The following MIDEAS variants were observed in gnomAD, a reference collection of about 807,000 sequenced individuals.
The protein encoded by MIDEAS is mitotic deacetylase associated SANT domain protein, also known as mitotic deacetylase-associated SANT domain protein.
A neutral mutation model predicts 102.7 loss-of-function variants in MIDEAS; 26 were observed. The observed-to-expected ratio is 0.25, with a 90% CI of 0.19 to 0.35. The LOEUF is 0.35. MIDEAS is among the 10% of genes least tolerant of loss of function. The probability of loss-of-function intolerance (pLI) is 1.00; values close to 1 mark genes in which losing one functional copy is unlikely to be tolerated. For missense variants in MIDEAS, 1,231 were observed against 1,435.6 expected, an observed-to-expected ratio of 0.86 and a Z score of 2.30; for synonymous variants, 585 against 591.0, an observed-to-expected ratio of 0.99 and a Z score of 0.15.
chr14:73,774,996 A>T (rs2053676756), intron 1 of MIDEAS, among the ~76,000 whole-genome samples: 1 of 152,034 alleles, frequency 6.6e-6, no homozygotes, highest in African/African-American at 2.4e-5. Flanking sequence ...CAATTGCAGA[A>T]ATGCCATGGT....
chr14:73,729,618 G>A (rs747115954), intron 4 of MIDEAS, 22 bp downstream of exon 4: 10 of 1,572,872 alleles, frequency 6.4e-6, no homozygotes, highest in Non-Finnish European at 7.8e-6. Context: ...TCCTGCCAGG[G>A]TCGCGGAGGG....
intron 1 of MIDEAS, among the ~76,000 whole-genome samples, chr14:73,769,909 T>TG (rs1566607806): frequency 7.3e-6 from 1 of 136,976 alleles, no homozygotes; most frequent in East Asian, 3.7e-4. Flanking sequence ...TGGGTTTTTT[T>TG]TTTTGTTTTT....
intron 3 of MIDEAS, among the ~76,000 whole-genome samples, chr14:73,730,335 C>T (rs1422945852): frequency 6.6e-6 from 1 of 152,228 alleles, no homozygotes; most frequent in Non-Finnish European, 1.5e-5. Context: ...CACAGTTCCC[C>T]ACCTCTGCTG....
chr14:73,727,564 T>C, intron 4 of MIDEAS, 40 bp from the exon 5 acceptor site: 2 of 1,559,138 alleles, frequency 1.3e-6, no homozygotes, highest in Admixed American at 3.6e-5. Flanking sequence ...GCACCCCCCT[T>C]TCAGCAAAGC....
At chr14:73,732,527 T>C (rs2053151035) in intron 3 of MIDEAS, among the ~76,000 whole-genome samples, 1 of 152,202 alleles carries the variant, frequency 6.6e-6, no homozygotes, top group Non-Finnish European at 1.5e-5. Context: ...GGCTCACGCC[T>C]GTAATCTCAG....
intron 1 of MIDEAS, among the ~76,000 whole-genome samples, chr14:73,776,317 T>C (rs1419758127): frequency 3.3e-5 from 5 of 151,980 alleles, no homozygotes; most frequent in Non-Finnish European, 7.4e-5. Flanking sequence ...TCAGATCTTC[T>C]GGGCACATAA....
At position 73,737,073 on chromosome 14, in the gene MIDEAS, A is replaced by C. The variant is rs1342763858; in HGVS notation, c.1674T>G (p.Pro558=). Residue 558 remains proline (P), a synonymous_variant, in exon 3 of 13, where the codon CCT becomes CCG. Coordinates refer to ENST00000423556, the MANE Select transcript of MIDEAS (RefSeq NM_001367710.1). ...DEDGKGPEQN[P]AEHKPSVIVT... is the part of the protein sequence containing the mutation. ...CGATGACTGATGGCTTGTGCTCAGC[A>C]GGGTTCTGTTCAGGACCCTTCCCGT... is the stretch of plus-strand genomic sequence containing the variant. 2 of 1,614,068 alleles carry C rather than the reference A, an allele frequency of 1.2e-6. No individual in the cohort carries two copies. The highest frequency in any genetic ancestry group is 1.7e-6 in the Non-Finnish European group (2 of 1,180,040).
chr14:73,760,847 G>A (rs2053548391), upstream of MIDEAS, among the ~76,000 whole-genome samples: 4 of 152,230 alleles, frequency 2.6e-5, 1 homozygote, highest in South Asian at 8.3e-4. The surrounding 1 kb of genome is among the most constrained non-coding windows in gnomAD (Gnocchi z 4.8). Flanking sequence ...TCAGGCCAGA[G>A]TTGAGCGGCT....
At chr14:73,744,938 G>T (rs2053331308) in intron 1 of MIDEAS, among the ~76,000 whole-genome samples, 1 of 152,142 alleles carries the variant, frequency 6.6e-6, no homozygotes, top group African/African-American at 2.4e-5. Context: ...AATCCCAGGT[G>T]CCTGCTTTGT....
At position 73,737,628 on chromosome 14, in the gene MIDEAS, TAATA is replaced by T. The variant is rs1350537960; in HGVS notation, c.1450-335_1450-332del. Reference sequence around the variant, plus strand: ...GTGACAGAGTGAGACCCTGTCTCAATAATAAATAAATAAACAAATAAAAGATAAA... The same window carrying T: ...GTGACAGAGTGAGACCCTGTCTCAATAATAAATAAACAAATAAAAGATAAA... On this transcript the variant is annotated intron_variant, in intron 2 of 12. Coordinates refer to ENST00000423556, the MANE Select transcript of MIDEAS (RefSeq NM_001367710.1). Among the ~76,000 whole-genome samples the T allele has an allele frequency of 2.6e-5, 4 of 152,018 alleles. No homozygotes were observed. In the East Asian group the frequency reaches 5.8e-4, roughly 22 times the overall value.
At chr14:73,746,159 C>G (rs563014445) in intron 1 of MIDEAS, among the ~76,000 whole-genome samples, 15 of 152,330 alleles carry the variant, frequency 9.8e-5, no homozygotes, top group Non-Finnish European at 1.8e-4. Context: ...GGGCTCCGTC[C>G]AGTCTTCTAC....
At chr14:73,769,912 T>G (rs2053627227) in intron 1 of MIDEAS, among the ~76,000 whole-genome samples, 2 of 136,866 alleles carry the variant, frequency 1.5e-5, no homozygotes, top group Non-Finnish European at 1.5e-5. Flanking sequence ...GTTTTTTTTT[T>G]TGTTTTTTTT....
intron 3 of MIDEAS, among the ~76,000 whole-genome samples, chr14:73,733,484 G>A (rs1046846329): frequency 6.6e-6 from 1 of 151,914 alleles, no homozygotes; most frequent in African/African-American, 2.4e-5. Flanking sequence ...AGCTACTCAG[G>A]AGGCTGAGGC....
At chr14:73,734,218 C>T (rs1279488968) in intron 3 of MIDEAS, among the ~76,000 whole-genome samples, 1 of 151,800 alleles carries the variant, frequency 6.6e-6, no homozygotes, top group African/African-American at 2.4e-5. Context: ...CTCTTGACCT[C>T]GTGATCCGCC....
At chr14:73,778,462 T>G (rs2053712500) in intron 1 of MIDEAS, among the ~76,000 whole-genome samples, 1 of 151,746 alleles carries the variant, frequency 6.6e-6, no homozygotes. Context: ...AAATGCCACG[T>G]GTCAGCACAG....
chr14:73,760,402 CGGGGCT>C (rs1273153770), upstream of MIDEAS: 1 of 152,240 alleles, frequency 6.6e-6, no homozygotes, highest in Non-Finnish European at 1.5e-5. This position sits in a 1 kb window ranked among gnomAD's most constrained non-coding sequence, Gnocchi z 4.8. Context: ...AGGCGGCGGC[CGGGGCT>C]GGGGATTTCC....
In MIDEAS at chr14:73,726,051, C is replaced by T. The variant is rs1399335030; in HGVS notation, c.2467G>A (p.Ala823Thr). 5.6e-6 allele frequency: 9 copies of T among 1,598,140 alleles called. No homozygotes were observed. In the South Asian group the frequency reaches 8.0e-5, roughly 14 times the overall value. The change falls in exon 8 of 13, where the codon GCA becomes ACA. Residue 823 changes from alanine (A) to threonine (T), a missense_variant. Transcript: ENST00000423556. The stretch of plus-strand genomic sequence containing the variant: ...GGCCCACCTGTGTAGTGATAAGTTG[C>T]CAGCGGATGGTTGTGGGGCCGCAGG... ...KPLRPHNHPL[A>T]TYHYTGSDQW...
upstream of MIDEAS, among the ~76,000 whole-genome samples, chr14:73,764,353 A>C (rs56109612): frequency 3.4e-5 from 5 of 145,732 alleles, no homozygotes; most frequent in Admixed American, 6.8e-5. Flanking sequence ...AAAAAAAAAA[A>C]AAAAAAAAAA....
chr14:73,738,349 A>G (rs1253983115), intron 2 of MIDEAS, among the ~76,000 whole-genome samples: 2 of 152,194 alleles, frequency 1.3e-5, no homozygotes, highest in Non-Finnish European at 2.9e-5. Flanking sequence ...TGTATCTGAA[A>G]TAGTATCTAA....
Sources: allele counts gnomAD v4.1 joint callset (sites outside exome capture counted in the v4.1 genomes callset), GRCh38; gene constraint gnomAD v4.1.1; non-coding constraint Gnocchi (gnomAD v3.1); transcripts MANE v1.5; gene names NCBI Gene and HGNC (gene_info 2026-07-23, HGNC 2026-07-21).